Variants in ALKBH5 observed in about 807,000 individuals in gnomAD.
ALKBH5 encodes the protein alkB homolog 5, RNA demethylase, also known as RNA demethylase ALKBH5.
ALKBH5 carries 2 observed loss-of-function variants against 32.1 expected under a neutral mutation model. The observed-to-expected ratio is 0.06, with a 90% confidence interval of 0.03 to 0.20. ALKBH5 has a LOEUF of 0.20. ALKBH5 is among the 10% of genes least tolerant of loss of function. The pLI is 1.00. For synonymous variants in ALKBH5, 300 were observed against 231.7 expected (o/e 1.29, Z -2.68); for missense variants, 352 against 559.5 (o/e 0.63, Z 3.74).
Position 18,184,146 on chromosome 17 carries a change from A to G in ALKBH5, c.-98A>G. ...CACGCATGGGGGTTCGGCGCTAAGG[A>G]CCCCCCTCCCTCCGGGGGCCCCGGG... On this transcript the variant is annotated 5_prime_UTR_variant, in exon 1 of 4. Transcript: ENST00000399138. 9.1e-7 allele frequency: 1 copy of G among 1,098,928 alleles called. No individual in the cohort carries two copies. Among genetic ancestry groups the G allele is most frequent in the Non-Finnish European group, 1.3e-6 (1 of 787,184 alleles). 68.1% of individuals were successfully genotyped at this position (1,098,928 alleles called of 1,614,324 possible). A position where few individuals can be genotyped will look rare whatever the true frequency, so the allele number is the denominator to read the frequency against.
Position 18,197,513 on chromosome 17 carries a change from C to A in ALKBH5, c.851+2478C>A, listed in dbSNP as rs555905530. ...CCAGAGCAGTAACTTCCCAAGAGTT[C>A]CTCTCATCTTCCCATAATAGCTTAT... is the stretch of plus-strand genomic sequence containing the variant. On this transcript the variant is annotated intron_variant, in intron 2 of 3. Coordinates refer to ENST00000399138, the MANE Select transcript of ALKBH5 (RefSeq NM_017758.4). Among the ~76,000 whole-genome samples, 4 of 152,304 alleles carry A rather than the reference C, an allele frequency of 2.6e-5. No individual in the cohort carries two copies. In the East Asian group the frequency reaches 7.7e-4, roughly 29 times the overall value.
At chr17:18,208,073 G>A (rs981563729) in intron 3 of ALKBH5, 146 bp from the exon 4 acceptor site, 29 of 816,864 alleles carry the variant, frequency 3.6e-5, no homozygotes, top group African/African-American at 3.1e-4. Flanking sequence ...AAGAACCTCC[G>A]ATACCAGGGC....
In ALKBH5 at chr17:18,208,754, A is replaced by T. The variant is rs566801632; in HGVS notation, c.*358A>T. 1 of 364,430 alleles carries T rather than the reference A, an allele frequency of 2.7e-6. No homozygotes were observed. The highest frequency in any genetic ancestry group is 2.1e-5 in the African/African-American group (1 of 47,142). 22.6% of individuals were successfully genotyped at this position (364,430 alleles called of 1,614,324 possible). On this transcript the variant is annotated 3_prime_UTR_variant, in exon 4 of 4. Transcript: ENST00000399138. ...AAAGCAACAAAATGTTTTGGTTAAG[A>T]AAATTATTTTGCTTTCAGTGTAAAT...
rs1372989247 is a variant in ALKBH5, at chr17:18,194,895, C to T, written c.771-60C>T. On this transcript the variant is annotated intron_variant, in intron 1 of 3. Coordinates refer to ENST00000399138, the MANE Select transcript of ALKBH5 (RefSeq NM_017758.4). ...GCCATGTTCCTGTCCTGTTATATCCCCCAGGAACTTTGGTTGTCTGTCTAC... is the reference window on the plus strand; with the variant it reads ...GCCATGTTCCTGTCCTGTTATATCCTCCAGGAACTTTGGTTGTCTGTCTAC... 10 of 1,478,530 alleles carry T rather than the reference C, an allele frequency of 6.8e-6. No homozygotes were observed. The South Asian group carries it at 9.3e-5, about 14-fold the overall frequency. 91.6% of individuals were successfully genotyped at this position (1,478,530 alleles called of 1,614,324 possible). A position where few individuals can be genotyped will look rare whatever the true frequency, so the allele number is the denominator to read the frequency against.
At chr17:18,193,527 A>G (rs1032555408) in intron 1 of ALKBH5, among the ~76,000 whole-genome samples, 2 of 151,730 alleles carry the variant, frequency 1.3e-5, no homozygotes, top group African/African-American at 4.9e-5. Flanking sequence ...AACCTGGGTG[A>G]CAGAGTGAGA....
intron 3 of ALKBH5, among the ~76,000 whole-genome samples, 165 bp from the exon 4 acceptor site, chr17:18,208,054 T>G (rs2047280340): frequency 6.6e-6 from 1 of 152,138 alleles, no homozygotes; most frequent in African/African-American, 2.4e-5. Flanking sequence ...TCACTGGCAC[T>G]TAGTGGGCAA....
chr17:18,196,808 G>A (rs781568354), intron 2 of ALKBH5, among the ~76,000 whole-genome samples: 3 of 152,194 alleles, frequency 2.0e-5, no homozygotes, highest in Non-Finnish European at 2.9e-5. Context: ...ATCTCCTTGA[G>A]GGGGAGCATG....
intron 2 of ALKBH5, among the ~76,000 whole-genome samples, chr17:18,203,474 G>T (rs1377002342): frequency 6.6e-6 from 1 of 152,198 alleles, no homozygotes; most frequent in Non-Finnish European, 1.5e-5. Flanking sequence ...GGCCGCTCTG[G>T]GTATCACGGT....
At position 18,185,131 on chromosome 17, in the gene ALKBH5, G is replaced by C. The variant is rs192322570; in HGVS notation, c.770+118G>C. The stretch of plus-strand genomic sequence containing the variant: ...TTTTACAGTTCTGACCAGTTCTTCT[G>C]TTTGTAGATTGTAGGGAGCGAGAGA... On this transcript the variant is annotated intron_variant, in intron 1 of 3. Coordinates refer to ENST00000399138, the MANE Select transcript of ALKBH5 (RefSeq NM_017758.4). The C allele has an allele frequency of 8.5e-4, 1,258 of 1,477,412 alleles. 33 individuals are homozygous for C. The Admixed American group carries it at 0.027, about 31-fold the overall frequency. 91.5% of individuals were successfully genotyped at this position (1,477,412 alleles called of 1,614,324 possible). A position where few individuals can be genotyped will look rare whatever the true frequency, so the allele number is the denominator to read the frequency against.
chr17:18,208,786 A>T lies in ALKBH5; in HGVS notation c.*390A>T. ...TTTTGCTTTCAGTGTAAATCTTCGC[A>T]GTGTTCTAAACAAAGTTCAGTCTTC... On this transcript the variant is annotated 3_prime_UTR_variant, in exon 4 of 4. Transcript: ENST00000399138. 5.8e-6 allele frequency: 2 copies of T among 342,676 alleles called. No individual in the cohort carries two copies. The highest frequency in any genetic ancestry group is 7.9e-5 in the East Asian group (1 of 12,718). 21.2% of individuals were successfully genotyped at this position (342,676 alleles called of 1,614,324 possible). A position where few individuals can be genotyped will look rare whatever the true frequency, so the allele number is the denominator to read the frequency against.
rs1753020358 is a variant in ALKBH5, at chr17:18,208,288, G to A, written c.1077G>A (p.Arg359=). The A allele has an allele frequency of 6.2e-7, 1 of 1,614,014 alleles. No individual in the cohort carries two copies. The highest frequency in any genetic ancestry group is 1.7e-5 in the Admixed American group (1 of 59,994). ...TGCTGCTGCCCACACACCGGCGGAGGGGTAGCTTCAGCTCTGAGAACTACT... is the reference window on the plus strand; with the variant it reads ...TGCTGCTGCCCACACACCGGCGGAGAGGTAGCTTCAGCTCTGAGAACTACT... ...RSVLLPTHRR[R]GSFSSENYWR... The change falls in exon 4 of 4, where the codon AGG becomes AGA. Residue 359 remains arginine, a synonymous_variant. Transcript: ENST00000399138.
chr17:18,187,723 T>C (rs1403637509), intron 1 of ALKBH5, among the ~76,000 whole-genome samples: 3 of 152,186 alleles, frequency 2.0e-5, no homozygotes, highest in African/African-American at 7.2e-5. Flanking sequence ...ATCCTGCATA[T>C]AAACTGGTAA....
intron 2 of ALKBH5, among the ~76,000 whole-genome samples, chr17:18,200,957 A>G (rs754331248): frequency 5.9e-5 from 9 of 152,216 alleles, no homozygotes; most frequent in Non-Finnish European, 8.8e-5. Context: ...AGGGATTTGC[A>G]TGTGAGAGAT....
rs1157556980 is a variant in ALKBH5, at chr17:18,199,790, C to T, written c.851+4755C>T. 5.9e-5 allele frequency among the ~76,000 whole-genome samples: 9 copies of T among 152,190 alleles called. No homozygotes were observed. The South Asian group carries it at 1.9e-3, about 32-fold the overall frequency. On this transcript the variant is annotated intron_variant, in intron 2 of 3. Transcript: ENST00000399138. The stretch of plus-strand genomic sequence containing the variant: ...CTGGTGTAAAAGCACAGGGTATTCT[C>T]TGGGAGCCCTGCAAAAAAAACCCCA...
chr17:18,192,583 A>G (rs756454707), intron 1 of ALKBH5, among the ~76,000 whole-genome samples: 19 of 152,220 alleles, frequency 1.2e-4, no homozygotes, highest in Non-Finnish European at 2.2e-4. Context: ...TCAGCATGTG[A>G]TTTAACAAAG....
chr17:18,207,007 G>A (rs757536981), intron 3 of ALKBH5, 37 bp downstream of exon 3: 4 of 1,605,024 alleles, frequency 2.5e-6, no homozygotes. Flanking sequence ...GGCTGGCAAA[G>A]GCCTGGCTGC....
chr17:18,185,180 A>G (rs757073318), intron 1 of ALKBH5, among the ~76,000 whole-genome samples, 167 bp downstream of exon 1: 1 of 152,180 alleles, frequency 6.6e-6, no homozygotes, highest in Non-Finnish European at 1.5e-5. Context: ...TAAGATACCT[A>G]TAGCAAGAAA....
chr17:18,194,405 C>T (rs1418697547), intron 1 of ALKBH5, among the ~76,000 whole-genome samples: 1 of 152,186 alleles, frequency 6.6e-6, no homozygotes, highest in Non-Finnish European at 1.5e-5. Context: ...CCGCCCACCT[C>T]GGCCTCCCAA....
chr17:18,208,198 C>G (rs1460749257), intron 3 of ALKBH5, 21 bp from the exon 4 acceptor site: 2 of 1,592,170 alleles, frequency 1.3e-6, no homozygotes. Context: ...CAGATAACGT[C>G]CTACCTCCCT....
Sources: allele counts gnomAD v4.1 joint callset (sites outside exome capture counted in the v4.1 genomes callset), GRCh38; gene constraint gnomAD v4.1.1; transcripts MANE v1.5; gene names NCBI Gene and HGNC (gene_info 2026-07-23, HGNC 2026-07-21).